EMC1: variants seen among roughly 807,000 people sequenced by gnomAD.
The protein encoded by EMC1 is KIAA0090.
A neutral mutation model predicts 128.8 loss-of-function variants in EMC1; 103 were observed. The ratio of observed to expected loss-of-function variants is 0.80; its 90% CI spans 0.68 to 0.94. EMC1 has a LOEUF of 0.94. Ranked by LOEUF, EMC1 falls within the 40% of genes least tolerant of loss-of-function variation. EMC1 has a pLI of 0.00. For missense variants in EMC1, 1,083 were observed against 1,250.6 expected (o/e 0.87, Z 2.02); for synonymous variants, 442 against 490.4 (o/e 0.90, Z 1.30).
chr1:19,231,355 G>T lies in EMC1; in HGVS notation c.1850C>A (p.Pro617Gln), dbSNP rs565316334. ...IFGKWSQVAP[P>Q]VLKRPILQSL... The stretch of plus-strand genomic sequence containing the variant: ...CTGCAAGATGGGGCGCTTCAGCACT[G>T]GGGGAGCTACCTGACTCCACTTCCC... Residue 617 changes from proline (P) to glutamine (Q), a missense_variant, in exon 16 of 23, where the codon CCA (proline) becomes CAA (glutamine). Physicochemically the swap from Pro to Gln is moderately conservative, Grantham distance 76. Coordinates refer to ENST00000477853, the MANE Select transcript of EMC1 (RefSeq NM_015047.3). 20 of 1,612,752 alleles carry T rather than the reference G, an allele frequency of 1.2e-5. No homozygotes were observed. In the East Asian group the frequency reaches 3.6e-4, roughly 29 times the overall value.
rs956578913 is a variant in EMC1 at position 19,239,799 on chromosome 1, C to T, written c.954+19G>A. On this transcript the variant is annotated intron_variant, in intron 8 of 22. Coordinates refer to ENST00000477853, the MANE Select transcript of EMC1 (RefSeq NM_015047.3). ...GAGAGATCTCCTGAATCCTAGCAAACCATGTTGCCTGCAGTTACCTGTGGG... is the reference window on the plus strand; with the variant it reads ...GAGAGATCTCCTGAATCCTAGCAAATCATGTTGCCTGCAGTTACCTGTGGG... The T allele has an allele frequency of 1.9e-6, 3 of 1,612,428 alleles. No homozygotes were observed. The highest frequency in any genetic ancestry group is 2.7e-5 in the African/African-American group (2 of 74,782).
Position 19,223,508 on chromosome 1 carries a change from G to T in EMC1, c.2264C>A (p.Thr755Asn). ...ATCAATGAGGAAGATGCCAATAAAG[G>T]TGCGCTCATGGTGCGCGTCTGTGCT... ...TESTDAHHER[T>N]FIGIFLIDGV... Residue 755 changes from threonine (T) to asparagine (N), a missense_variant, in exon 19 of 23, where the codon ACC becomes AAC. By Grantham distance (65) the Thr-to-Asn change is moderately conservative. This residue lies in a region of EMC1 where 527 missense variants were observed against 644.1 expected (regional missense o/e 0.82). Coordinates refer to ENST00000477853, the MANE Select transcript of EMC1 (RefSeq NM_015047.3). The T allele has an allele frequency of 1.2e-6, 2 of 1,614,150 alleles. No homozygotes were observed. Among genetic ancestry groups the T allele is most frequent in the African/African-American group, 1.3e-5 (1 of 75,038 alleles).
chr1:19,234,108 GAAA>G, intron 13 of EMC1: 2 of 900,828 alleles, frequency 2.2e-6, no homozygotes, highest in Non-Finnish European at 2.7e-6. Flanking sequence ...AAGTTAGGAA[GAAA>G]AACAATTAAC....
intron 21 of EMC1, 196 bp from the exon 22 acceptor site, chr1:19,219,894 A>C (rs1199156447): frequency 5.2e-6 from 3 of 581,520 alleles, no homozygotes; most frequent in Non-Finnish European, 6.1e-6. Flanking sequence ...CTCTCTGGAG[A>C]GTAAGACTGA....
intron 7 of EMC1, 80 bp downstream of exon 7, chr1:19,240,216 AC>A: frequency 6.4e-7 from 1 of 1,553,960 alleles, no homozygotes; most frequent in Non-Finnish European, 8.8e-7. Flanking sequence ...TAGGAGAAAG[AC>A]CCTCCAGGGG....
intron 9 of EMC1, 132 bp from the exon 10 acceptor site, chr1:19,238,989 G>A (rs986359661): frequency 4.3e-5 from 33 of 774,032 alleles, no homozygotes; most frequent in Non-Finnish European, 6.7e-5. Context: ...TGCCCACAAA[G>A]CCTATTCAAC....
intron 6 of EMC1, 27 bp downstream of exon 6, chr1:19,240,989 T>C: frequency 6.2e-7 from 1 of 1,611,630 alleles, no homozygotes; most frequent in African/African-American, 1.3e-5. Flanking sequence ...CCCACCTTAT[T>C]CACAGGCTCC....
chr1:19,245,877 T>A (rs1322583338), intron 1 of EMC1, among the ~76,000 whole-genome samples: 1 of 151,712 alleles, frequency 6.6e-6, no homozygotes. Context: ...CCCACCCGCC[T>A]CGGCCTTCCA....
chr1:19,232,603 A>C (rs1350435282), intron 15 of EMC1, 21 bp downstream of exon 15: 3 of 1,613,688 alleles, frequency 1.9e-6, no homozygotes, highest in Non-Finnish European at 2.5e-6. Context: ...GTCTGGCTCA[A>C]GTCAGAGCTG....
chr1:19,219,676 A>T lies in EMC1; in HGVS notation c.2695T>A (p.Ser899Thr). 6.2e-7 allele frequency: 1 copy of T among 1,613,996 alleles called. No individual in the cohort carries two copies. Among genetic ancestry groups the T allele is most frequent in the Non-Finnish European group, 8.5e-7 (1 of 1,180,010 alleles). The change falls in exon 22 of 23, where the codon TCT becomes ACT. Residue 899 changes from serine to threonine, a missense_variant. Physicochemically the swap from Ser to Thr is moderately conservative, Grantham distance 58. This residue lies in a region of EMC1 where 527 missense variants were observed against 644.1 expected (regional missense o/e 0.82). Transcript: ENST00000477853. ...TCTGCGTGTATCTGTACATCTGGAGAATACGGGATTAAGTTCTCCTCTCTG... is the reference window on the plus strand; with the variant it reads ...TCTGCGTGTATCTGTACATCTGGAGTATACGGGATTAAGTTCTCCTCTCTG... The part of the protein sequence containing the change: ...QSREENLIPY[S>T]PDVQIHAERF...
chr1:19,221,012 T>C (rs1051251746), intron 20 of EMC1, 164 bp from the exon 21 acceptor site: 1 of 515,234 alleles, frequency 1.9e-6, no homozygotes, highest in Non-Finnish European at 3.5e-6. Flanking sequence ...TACGCATGGG[T>C]CTGAATGAAG....
intron 17 of EMC1, among the ~76,000 whole-genome samples, 200 bp downstream of exon 17, chr1:19,230,644 T>C (rs989572736): frequency 2.0e-5 from 3 of 152,156 alleles, no homozygotes; most frequent in African/African-American, 7.2e-5. Context: ...CACCACTCCA[T>C]CCACAGCACC....
chr1:19,242,680 C>T lies in EMC1; in HGVS notation c.381-207G>A, dbSNP rs188029739. Among the ~76,000 whole-genome samples, 39 of 152,344 alleles carry T rather than the reference C, an allele frequency of 2.6e-4. No individual in the cohort carries two copies. In the East Asian group the frequency reaches 6.2e-3, roughly 24 times the overall value. On this transcript the variant is annotated intron_variant, in intron 4 of 22. Transcript: ENST00000477853. ...CCATTTGGCCACACTACTTGCTTCC[C>T]TGAAACCATCTGTATCTCCTAAGGG...
In EMC1 at chr1:19,231,332, G is replaced by A; in HGVS notation, c.1873C>T (p.Gln625Ter). Residue 625 changes from glutamine to a stop codon, truncating the protein, a stop_gained, in exon 16 of 23, where the codon CAG becomes TAG. Coordinates refer to ENST00000477853, the MANE Select transcript of EMC1 (RefSeq NM_015047.3). LOFTEE classifies it high-confidence loss of function. ...APPVLKRPIL[Q>*]SLLLPVMDQD... is the part of the protein sequence containing the mutation. ...TCCATGACTGGGAGAAGCAAGGACTGCAAGATGGGGCGCTTCAGCACTGGG... is the reference window on the plus strand; with the variant it reads ...TCCATGACTGGGAGAAGCAAGGACTACAAGATGGGGCGCTTCAGCACTGGG... The A allele has an allele frequency of 3.1e-6, 5 of 1,611,822 alleles. No individual in the cohort carries two copies. The highest frequency in any genetic ancestry group is 4.2e-6 in the Non-Finnish European group (5 of 1,179,474).
chr1:19,228,777 C>T (rs1350502461), intron 17 of EMC1, among the ~76,000 whole-genome samples: 3 of 152,082 alleles, frequency 2.0e-5, no homozygotes, highest in African/African-American at 2.4e-5. Context: ...ATGGGCCGGG[C>T]GTGGTGGCTC....
chr1:19,243,755 G>A (rs372681189), intron 3 of EMC1, 48 bp from the exon 4 acceptor site: 49 of 1,584,328 alleles, frequency 3.1e-5, no homozygotes, highest in East Asian at 1.6e-4. Context: ...TTGCTCTGTC[G>A]CTTCCTAGGG....
rs369633672 is a variant in EMC1 at position 19,233,022 on chromosome 1, T to G, written c.1546A>C (p.Ile516Leu). 92 of 1,614,084 alleles carry G rather than the reference T, an allele frequency of 5.7e-5. No individual in the cohort carries two copies. Among genetic ancestry groups the G allele is most frequent in the Non-Finnish European group, 2.3e-5 (27 of 1,180,038 alleles). Residue 516 changes from isoleucine (I) to leucine (L), a missense_variant, in exon 14 of 23, where the codon ATT becomes CTT. By Grantham distance (5) the Ile-to-Leu change is conservative. Around this residue, in one of 3 missense-constraint regions of EMC1, gnomAD observed 527 missense variants for 644.1 expected, o/e 0.82. Coordinates refer to ENST00000477853, the MANE Select transcript of EMC1 (RefSeq NM_015047.3). ...GTGTCAATGTTGATCTCATTCTTAATCTGACTCCGGGGCTTCCGAGCATCA... is the reference window on the plus strand; with the variant it reads ...GTGTCAATGTTGATCTCATTCTTAAGCTGACTCCGGGGCTTCCGAGCATCA... The part of the protein sequence containing the change: ...FYDARKPRSQ[I>L]KNEINIDTLA...
intron 17 of EMC1, 95 bp downstream of exon 17, chr1:19,230,749 A>G (rs2093514842): frequency 6.9e-7 from 1 of 1,442,072 alleles, no homozygotes. Flanking sequence ...CTAAGTTTAC[A>G]GTAGAATGAG....
At chr1:19,239,366 G>GTGACCCTCT in intron 8 of EMC1, 64 bp from the exon 9 acceptor site, 2 of 1,431,780 alleles carry the variant, frequency 1.4e-6, no homozygotes, top group Non-Finnish European at 2.0e-6. Flanking sequence ...CCTTACAGAG[G>GTGACCCTCT]GTCACCTCTC....
Sources: gnomAD v4.1 joint callset for allele counts (sites outside exome capture counted in the v4.1 genomes callset) on GRCh38, gnomAD v4.1.1 for gene constraint, gnomAD v4.1.1 regional missense constraint, MANE v1.5 for transcripts, NCBI Gene and HGNC (gene_info 2026-07-23, HGNC 2026-07-21) for gene names.